GAREM1: variants seen among roughly 807,000 people sequenced by gnomAD.
The protein encoded by GAREM1 is GRB2 associated regulator of MAPK1 subtype 1.
A neutral mutation model predicts 71.3 loss-of-function variants in GAREM1; 26 were observed. The observed-to-expected ratio is 0.36, with a 90% CI of 0.27 to 0.51. GAREM1 has a LOEUF of 0.51. Ranked by LOEUF, GAREM1 falls within the 20% of genes least tolerant of loss-of-function variation. The probability of loss-of-function intolerance (pLI) is 0.95; values close to 1 mark genes in which losing one functional copy is unlikely to be tolerated. For missense variants in GAREM1, 1,026 were observed against 1,103.1 expected (o/e 0.93, Z 0.99); for synonymous variants, 440 against 433.2 (o/e 1.02, Z -0.20).
intron 1 of GAREM1, among the ~76,000 whole-genome samples, chr18:32,406,600 C>T (rs892980327): frequency 4.6e-5 from 7 of 151,988 alleles, no homozygotes; most frequent in Non-Finnish European, 1.0e-4. Flanking sequence ...CAAAGTGTTC[C>T]AAACAGAAAG....
chr18:32,414,788 A>C (rs2048452609), intron 1 of GAREM1, among the ~76,000 whole-genome samples: 1 of 152,120 alleles, frequency 6.6e-6, no homozygotes, highest in Admixed American at 6.6e-5. Flanking sequence ...CAAATAACCC[A>C]GTGATGCATC....
chr18:32,316,964 A>C (rs2047383597), intron 2 of GAREM1, among the ~76,000 whole-genome samples: 1 of 152,162 alleles, frequency 6.6e-6, no homozygotes, highest in African/African-American at 2.4e-5. Context: ...TAGGGCAACA[A>C]AATCAGCCAT....
chr18:32,278,181 C>A (rs1473140952), intron 4 of GAREM1, among the ~76,000 whole-genome samples: 1 of 152,140 alleles, frequency 6.6e-6, no homozygotes, highest in Non-Finnish European at 1.5e-5. Flanking sequence ...TTTCAGATAG[C>A]CTTTTGGGAA....
At chr18:32,343,230 T>C (rs1012999615) in intron 2 of GAREM1, among the ~76,000 whole-genome samples, 1 of 151,116 alleles carries the variant, frequency 6.6e-6, no homozygotes, top group African/African-American at 2.4e-5. Context: ...TGATACAAAC[T>C]GGAAAGCGGG....
intron 1 of GAREM1, among the ~76,000 whole-genome samples, chr18:32,398,340 C>G (rs1284256302): frequency 1.3e-5 from 2 of 152,008 alleles, no homozygotes; most frequent in African/African-American, 2.4e-5. Flanking sequence ...GAGATAGAGA[C>G]ACAAAGAACC....
intron 1 of GAREM1, among the ~76,000 whole-genome samples, chr18:32,449,016 G>C (rs1001999606): frequency 1.3e-5 from 2 of 152,166 alleles, no homozygotes; most frequent in Admixed American, 6.5e-5. Context: ...AATACGAATG[G>C]GAAAACACTA....
At chr18:32,450,201 C>T (rs2048822504) in intron 1 of GAREM1, among the ~76,000 whole-genome samples, 1 of 152,190 alleles carries the variant, frequency 6.6e-6, no homozygotes, top group African/African-American at 2.4e-5. Flanking sequence ...TATAACTGAT[C>T]TTCTGTTCCG....
intron 1 of GAREM1, among the ~76,000 whole-genome samples, chr18:32,453,387 A>T (rs1316568435): frequency 6.6e-6 from 1 of 152,154 alleles, no homozygotes; most frequent in Non-Finnish European, 1.5e-5. Flanking sequence ...GAATGGCATC[A>T]AACAATAGAA....
chr18:32,408,501 T>C (rs1475291481), intron 1 of GAREM1, among the ~76,000 whole-genome samples: 1 of 152,164 alleles, frequency 6.6e-6, no homozygotes, highest in African/African-American at 2.4e-5. Context: ...AGATGAAACA[T>C]CTGTCCTAGA....
intron 2 of GAREM1, among the ~76,000 whole-genome samples, chr18:32,319,328 A>G (rs1041769603): frequency 6.6e-6 from 1 of 152,202 alleles, no homozygotes; most frequent in African/African-American, 2.4e-5. Context: ...CTTACAAAAC[A>G]ATACCAAAGT....
In GAREM1 at chr18:32,268,553, T is replaced by C; in HGVS notation, c.1949A>G (p.Tyr650Cys). The change falls in exon 6 of 6, where the codon TAT becomes TGT. Residue 650 changes from tyrosine (Y) to cysteine (C), a missense_variant. By Grantham distance (194) the Tyr-to-Cys change is radical. This residue lies in a region of GAREM1 where 636 missense variants were observed against 631.2 expected (regional missense o/e 1.01). Coordinates refer to ENST00000269209, the MANE Select transcript of GAREM1 (RefSeq NM_001242409.2). ...SDFLLDPSRS[Y>C]SYPRQKTPGT... is the part of the protein sequence containing the mutation. ...TGGCGTCTTTTGTCTAGGGTAACTA[T>C]AACTCCTGCTTGGATCCAGCAGGAA... 1.2e-6 allele frequency: 2 copies of C among 1,614,176 alleles called. No homozygotes were observed. The highest frequency in any genetic ancestry group is 8.5e-7 in the Non-Finnish European group (1 of 1,180,030).
At chr18:32,388,117 G>T (rs1242257792) in intron 2 of GAREM1, among the ~76,000 whole-genome samples, 2 of 152,168 alleles carry the variant, frequency 1.3e-5, no homozygotes, top group African/African-American at 4.8e-5. Flanking sequence ...ATGTCACAGA[G>T]ACACAGGTGC....
intron 2 of GAREM1, among the ~76,000 whole-genome samples, chr18:32,340,388 C>G (rs2047636451): frequency 1.3e-5 from 2 of 152,158 alleles, no homozygotes; most frequent in Admixed American, 6.5e-5. Flanking sequence ...CAAAGCTTCC[C>G]AGGGAAGTAA....
At chr18:32,324,443 G>A (rs1411453273) in intron 2 of GAREM1, among the ~76,000 whole-genome samples, 2 of 152,178 alleles carry the variant, frequency 1.3e-5, no homozygotes, top group African/African-American at 2.4e-5. Context: ...GCAGCTGCTT[G>A]AGCTGTGGTT....
At chr18:32,302,633 C>A (rs1180913044) in intron 3 of GAREM1, among the ~76,000 whole-genome samples, 1 of 152,088 alleles carries the variant, frequency 6.6e-6, no homozygotes, top group Non-Finnish European at 1.5e-5. Context: ...ACCACATGGT[C>A]TCATTTATAT....
intron 3 of GAREM1, among the ~76,000 whole-genome samples, chr18:32,292,847 A>AG (rs2047100177): frequency 6.6e-6 from 1 of 152,226 alleles, no homozygotes; most frequent in Non-Finnish European, 1.5e-5. Flanking sequence ...TAATGCCAGT[A>AG]GGGAAAAAAA....
chr18:32,465,531 C>G (rs12604660), intron 1 of GAREM1, among the ~76,000 whole-genome samples: 1 of 151,960 alleles, frequency 6.6e-6, no homozygotes, highest in Non-Finnish European at 1.5e-5. Flanking sequence ...GAAGGAGAGA[C>G]GGTCACTGCT....
At chr18:32,362,513 T>C (rs894043631) in intron 2 of GAREM1, among the ~76,000 whole-genome samples, 5 of 152,224 alleles carry the variant, frequency 3.3e-5, no homozygotes, top group Middle Eastern at 3.4e-3. Context: ...ATATATCAGT[T>C]TTAAAGGCAA....
intron 1 of GAREM1, among the ~76,000 whole-genome samples, chr18:32,408,563 CA>C (rs1214134896): frequency 6.6e-6 from 1 of 152,104 alleles, no homozygotes; most frequent in Non-Finnish European, 1.5e-5. Context: ...TGACTGATAT[CA>C]AATAGTGAGT....
Sources: allele counts gnomAD v4.1 joint callset (sites outside exome capture counted in the v4.1 genomes callset), GRCh38; gene constraint gnomAD v4.1.1; regional missense constraint gnomAD v4.1.1; transcripts MANE v1.5; gene names NCBI Gene and HGNC (gene_info 2026-07-23, HGNC 2026-07-21).